The following AGK variants were observed in gnomAD, a reference collection of about 807,000 sequenced individuals.
AGK encodes the protein acylglycerol kinase.
A neutral mutation model predicts 66.4 loss-of-function variants in AGK; 52 were observed. The ratio of observed to expected loss-of-function variants is 0.78; its 90% CI spans 0.63 to 0.99. The LOEUF (loss-of-function observed/expected upper bound fraction) is 0.99. Among genes scored for constraint, AGK ranks in the 50% least tolerant of loss-of-function variants. The probability of loss-of-function intolerance (pLI) is 0.00; values close to 1 mark genes in which losing one functional copy is unlikely to be tolerated. For synonymous variants in AGK, 182 were observed against 181.1 expected, an observed-to-expected ratio of 1.00 and a Z score of -0.04; for missense variants, 451 against 506.6, an observed-to-expected ratio of 0.89 and a Z score of 1.05.
intron 2 of AGK, among the ~76,000 whole-genome samples, chr7:141,587,921 T>C (rs1796027444): frequency 1.3e-5 from 2 of 152,208 alleles, no homozygotes; most frequent in African/African-American, 4.8e-5. Flanking sequence ...ATGCCACCAA[T>C]ATTTACCAAG....
intron 2 of AGK, among the ~76,000 whole-genome samples, chr7:141,564,801 C>T (rs1030411972): frequency 1.1e-4 from 17 of 152,082 alleles, no homozygotes; most frequent in African/African-American, 4.1e-4. Flanking sequence ...ATGATCTCCA[C>T]TCACCACAAC....
intron 2 of AGK, among the ~76,000 whole-genome samples, chr7:141,569,516 A>G (rs1795550269): frequency 2.6e-5 from 4 of 152,224 alleles, no homozygotes; most frequent in African/African-American, 9.6e-5. Flanking sequence ...CCTGGGCAAC[A>G]GAGCAGGACT....
At chr7:141,553,492 C>T (rs1347671621) in intron 1 of AGK, among the ~76,000 whole-genome samples, 1 of 152,170 alleles carries the variant, frequency 6.6e-6, no homozygotes, top group Non-Finnish European at 1.5e-5. Flanking sequence ...GCTGACTCCT[C>T]GACATTTATC....
intron 2 of AGK, among the ~76,000 whole-genome samples, chr7:141,571,751 T>C (rs561694600): frequency 6.6e-6 from 1 of 152,320 alleles, no homozygotes; most frequent in African/African-American, 2.4e-5. Context: ...CAACCCTGGA[T>C]AGTTACTTAA....
At chr7:141,606,440 C>T (rs1023269162) in intron 5 of AGK, among the ~76,000 whole-genome samples, 2 of 152,124 alleles carry the variant, frequency 1.3e-5, no homozygotes, top group African/African-American at 4.8e-5. Flanking sequence ...ATATTGGACT[C>T]ATTATCTTGT....
At chr7:141,629,383 C>T in intron 9 of AGK, among the ~76,000 whole-genome samples, 1 of 152,178 alleles carries the variant, frequency 6.6e-6, no homozygotes, top group African/African-American at 2.4e-5. Context: ...GTGTGCTTGT[C>T]TTTCTTTTTC....
chr7:141,563,604 C>T (rs146501568), intron 2 of AGK, among the ~76,000 whole-genome samples: 1 of 152,356 alleles, frequency 6.6e-6, no homozygotes, highest in East Asian at 1.9e-4. Context: ...TGACCCACTA[C>T]TCCACCTTCT....
rs535500585 is a variant in AGK, at chr7:141,623,167, G to C, written c.588+1366G>C. 2.6e-5 allele frequency among the ~76,000 whole-genome samples: 4 copies of C among 152,080 alleles called. No homozygotes were observed. In the East Asian group the frequency reaches 5.8e-4, roughly 22 times the overall value. On this transcript the variant is annotated intron_variant, in intron 9 of 15. Transcript: ENST00000649286. Reference sequence around the variant, plus strand: ...GGCCGAGGTGGGTGGATCACTTGACGTTGGGAGTTTGAGACCGGCCTGACC... The same window carrying C: ...GGCCGAGGTGGGTGGATCACTTGACCTTGGGAGTTTGAGACCGGCCTGACC...
At chr7:141,620,207 G>A (rs1438173053) in intron 8 of AGK, among the ~76,000 whole-genome samples, 4 of 152,170 alleles carry the variant, frequency 2.6e-5, no homozygotes, top group Non-Finnish European at 1.5e-5. Flanking sequence ...GGGTTATGAA[G>A]GAACTTCTTG....
chr7:141,619,698 C>T (rs1317360863), intron 8 of AGK, among the ~76,000 whole-genome samples: 4 of 150,668 alleles, frequency 2.7e-5, no homozygotes, highest in Non-Finnish European at 5.9e-5. Context: ...AACAAAAACC[C>T]GTCAAATAAA....
chr7:141,559,761 C>T (rs1795297360), intron 2 of AGK, among the ~76,000 whole-genome samples: 1 of 152,092 alleles, frequency 6.6e-6, no homozygotes, highest in African/African-American at 2.4e-5. Flanking sequence ...TCTTTAATTT[C>T]TTTCAGCAGT....
intron 10 of AGK, among the ~76,000 whole-genome samples, chr7:141,635,571 A>G (rs1797152818): frequency 6.6e-6 from 1 of 152,222 alleles, no homozygotes; most frequent in African/African-American, 2.4e-5. Context: ...CTTGGATTAT[A>G]TCTAAGCTCT....
intron 8 of AGK, among the ~76,000 whole-genome samples, chr7:141,620,772 A>G (rs115230978): frequency 0.015 from 2,272 of 152,288 alleles, 50 homozygotes; most frequent in African/African-American, 0.052. Context: ...TCAGAGAAAA[A>G]TCGCCTTATA....
intron 9 of AGK, among the ~76,000 whole-genome samples, chr7:141,622,860 C>T (rs1173724225): frequency 6.6e-6 from 1 of 151,658 alleles, no homozygotes; most frequent in African/African-American, 2.4e-5. Context: ...TCAAGACCAG[C>T]CTGGCCAACA....
chr7:141,649,599 G>C lies in AGK; in HGVS notation c.1046+266G>C, dbSNP rs6950019. Among the ~76,000 whole-genome samples, 561 of 152,310 alleles carry C rather than the reference G, an allele frequency of 3.7e-3. 6 individuals carry two copies. The highest frequency in any genetic ancestry group is 0.013 in the African/African-American group (544 of 41,574). ...AGAATTCAATGGAGCATGACACAGCGTCAAGAACTTTGGTTTCAGGGTCAA... is the reference window on the plus strand; with the variant it reads ...AGAATTCAATGGAGCATGACACAGCCTCAAGAACTTTGGTTTCAGGGTCAA... On this transcript the variant is annotated intron_variant, in intron 14 of 15. Coordinates refer to ENST00000649286, the MANE Select transcript of AGK (RefSeq NM_018238.4).
At chr7:141,585,026 G>A (rs1795967481) in intron 2 of AGK, among the ~76,000 whole-genome samples, 1 of 152,194 alleles carries the variant, frequency 6.6e-6, no homozygotes, top group Non-Finnish European at 1.5e-5. Context: ...TGGAGAACAA[G>A]AAGAGATAAC....
intron 2 of AGK, among the ~76,000 whole-genome samples, chr7:141,591,233 C>T (rs1259808783): frequency 1.3e-5 from 2 of 151,824 alleles, no homozygotes; most frequent in East Asian, 3.9e-4. Flanking sequence ...GTTGGGATTA[C>T]AGGCATGCAC....
intron 2 of AGK, among the ~76,000 whole-genome samples, chr7:141,579,254 G>A (rs549181350): frequency 6.6e-6 from 1 of 152,066 alleles, no homozygotes; most frequent in Non-Finnish European, 1.5e-5. Flanking sequence ...GCTTGGTGAG[G>A]TGTGTTTTTA....
Position 141,615,467 on chromosome 7 carries a change from C to G in AGK, c.424-4C>G, listed in dbSNP as rs113085050. 8.2e-4 allele frequency: 1,324 copies of G among 1,612,584 alleles called. 7 individuals carry two copies. The African/African-American group carries it at 0.013, about 16-fold the overall frequency. The stretch of plus-strand genomic sequence containing the variant: ...TAAAACTTTCCTCTTCTTTCCCCCC[C>G]CAGGCTACCTTCAGTAAGATTCCCA... On this transcript the variant is annotated splice_polypyrimidine_tract_variant and splice_region_variant and intron_variant, in intron 7 of 15. Transcript: ENST00000649286.
Sources: allele counts gnomAD v4.1 joint callset (sites outside exome capture counted in the v4.1 genomes callset), GRCh38; gene constraint gnomAD v4.1.1; transcripts MANE v1.5; gene names NCBI Gene and HGNC (gene_info 2026-07-23, HGNC 2026-07-21).